The following NUP93 variants were observed in gnomAD, a reference collection of about 807,000 sequenced individuals.
NUP93 encodes nuclear pore complex protein Nup93.
In NUP93, 55 loss-of-function variants were observed where a neutral mutation model predicts 107.8. The ratio of observed to expected loss-of-function variants is 0.51; its 90% CI spans 0.41 to 0.64. NUP93 has a LOEUF of 0.64. Among genes scored for constraint, NUP93 ranks in the 30% least tolerant of loss-of-function variants. The pLI, the probability that NUP93 is intolerant of heterozygous loss-of-function variation, is 0.00. For synonymous variants in NUP93, 390 were observed against 397.5 expected, an observed-to-expected ratio of 0.98 and a Z score of 0.22; for missense variants, 937 against 1,044.7, an observed-to-expected ratio of 0.90 and a Z score of 1.42.
chr16:56,768,808 G>A (rs937953472), intron 3 of NUP93, among the ~76,000 whole-genome samples: 27 of 151,142 alleles, frequency 1.8e-4, no homozygotes, highest in African/African-American at 4.4e-4. Flanking sequence ...TAGAGCTTGC[G>A]GTGAGCCGAG....
At chr16:56,744,304 A>G (rs1337294921) in intron 1 of NUP93, among the ~76,000 whole-genome samples, 1 of 152,200 alleles carries the variant, frequency 6.6e-6, no homozygotes, top group East Asian at 1.9e-4. Flanking sequence ...CTCTTGGGTC[A>G]AAGTTGATTT....
rs1224864987 is a variant in NUP93 at position 56,826,122 on chromosome 16, T to G, written c.794+2276T>G. Among the ~76,000 whole-genome samples, 9 of 152,194 alleles carry G rather than the reference T, an allele frequency of 5.9e-5. No homozygotes were observed. The East Asian group carries it at 1.3e-3, about 23-fold the overall frequency. ...TTCAGCTTAGGCCCTTGTCAGCACA[T>G]GAACTGTCTTAATTCAAATTGGAAG... On this transcript the variant is annotated intron_variant, in intron 8 of 21. Transcript: ENST00000308159.
chr16:56,823,646 A>G, intron 7 of NUP93, 61 bp from the exon 8 acceptor site: 1 of 1,590,302 alleles, frequency 6.3e-7, no homozygotes, highest in Non-Finnish European at 8.6e-7. Flanking sequence ...GAGTGCCACA[A>G]AGAACTAGAT....
chr16:56,761,842 G>T (rs1236238489), intron 3 of NUP93, among the ~76,000 whole-genome samples: 2 of 151,892 alleles, frequency 1.3e-5, no homozygotes, highest in East Asian at 3.9e-4. Context: ...GGTTTTTGTT[G>T]TTACCATTTT....
At chr16:56,837,751 G>T in intron 18 of NUP93, 25 bp downstream of exon 18, 1 of 1,554,904 alleles carries the variant, frequency 6.4e-7, no homozygotes, top group South Asian at 1.1e-5. Flanking sequence ...GGCTCCATGG[G>T]ACCCTGAGGG....
chr16:56,837,145 G>C (rs991495882), intron 17 of NUP93, among the ~76,000 whole-genome samples: 3 of 152,186 alleles, frequency 2.0e-5, no homozygotes, highest in Non-Finnish European at 4.4e-5. Context: ...CGTTTTGAGA[G>C]GACTAGAATA....
intron 7 of NUP93, 76 bp from the exon 8 acceptor site, chr16:56,823,631 G>A (rs1466733710): frequency 1.3e-6 from 2 of 1,545,554 alleles, no homozygotes; most frequent in East Asian, 4.5e-5. Flanking sequence ...CCCCTTTGGA[G>A]GTCAGAGTGC....
At chr16:56,787,919 C>A (rs1371886607) in intron 3 of NUP93, among the ~76,000 whole-genome samples, 1 of 152,130 alleles carries the variant, frequency 6.6e-6, no homozygotes, top group Non-Finnish European at 1.5e-5. Context: ...TCTATTTATA[C>A]CTTGGGTGAG....
intron 13 of NUP93, among the ~76,000 whole-genome samples, chr16:56,833,857 C>T (rs1963853713): frequency 6.6e-6 from 1 of 152,096 alleles, no homozygotes; most frequent in Non-Finnish European, 1.5e-5. Context: ...CATCCCAGAG[C>T]ACATGCCATA....
intron 3 of NUP93, among the ~76,000 whole-genome samples, chr16:56,785,663 A>G (rs1245863189): frequency 6.6e-6 from 1 of 152,232 alleles, no homozygotes; most frequent in East Asian, 1.9e-4. Context: ...TGGCGTCACC[A>G]GGAACACTGT....
chr16:56,806,417 T>C (rs1261600102), intron 5 of NUP93, among the ~76,000 whole-genome samples: 2 of 152,106 alleles, frequency 1.3e-5, no homozygotes, highest in African/African-American at 2.4e-5. Flanking sequence ...CTGGTTGTTG[T>C]TATTGCCGTG....
chr16:56,829,122 T>TTCTCACTG lies in NUP93; in HGVS notation c.927+17_927+18insACTGTCTC. On this transcript the variant is annotated intron_variant, in intron 9 of 21. Coordinates refer to ENST00000308159, the MANE Select transcript of NUP93 (RefSeq NM_014669.5). ...GCCTGGACTACAGGTACTGACAACT[T>TTCTCACTG]TCTCTGTGTGATCAGTTACACCCCC... The TTCTCACTG allele has an allele frequency of 6.2e-7, 1 of 1,608,740 alleles. No homozygotes were observed. Among genetic ancestry groups the TTCTCACTG allele is most frequent in the Non-Finnish European group, 8.5e-7 (1 of 1,178,624 alleles).
At chr16:56,820,708 T>C (rs1963525528) in intron 6 of NUP93, among the ~76,000 whole-genome samples, 1 of 152,230 alleles carries the variant, frequency 6.6e-6, no homozygotes, top group Non-Finnish European at 1.5e-5. Context: ...AACAGGGTCA[T>C]GATTTGTCTA....
At chr16:56,784,310 G>C (rs1468544463) in intron 3 of NUP93, among the ~76,000 whole-genome samples, 3 of 152,132 alleles carry the variant, frequency 2.0e-5, no homozygotes, top group Non-Finnish European at 4.4e-5. Flanking sequence ...TAATGAAAAT[G>C]CTTCCGGGTT....
intron 3 of NUP93, among the ~76,000 whole-genome samples, chr16:56,764,898 ATC>A (rs1962190888): frequency 6.6e-6 from 1 of 152,246 alleles, no homozygotes; most frequent in African/African-American, 2.4e-5. Flanking sequence ...TGTCATTTTC[ATC>A]TGTTTCTGAA....
chr16:56,770,181 G>T (rs375178356), intron 3 of NUP93, among the ~76,000 whole-genome samples: 2 of 152,186 alleles, frequency 1.3e-5, no homozygotes, highest in Non-Finnish European at 2.9e-5. Context: ...AAGGGAGAAG[G>T]GGTGTCAGTG....
At chr16:56,783,549 G>T in intron 3 of NUP93, 1 of 985,448 alleles carries the variant, frequency 1.0e-6, no homozygotes, top group African/African-American at 1.7e-5. Flanking sequence ...CTGTATGGGA[G>T]ATGACTCAAT....
rs1467995209 is a variant in NUP93 at position 56,849,374 on chromosome 16, C to T, written c.*4765C>T. On this transcript the variant is annotated 3_prime_UTR_variant, in exon 22 of 22. Coordinates refer to ENST00000308159, the MANE Select transcript of NUP93 (RefSeq NM_014669.5). Reference sequence around the variant, plus strand: ...ACGGGGTGCTGGCAGAAACCCAGCTCTGCGCTAGCACAATCTGTACACCTG... The same window carrying T: ...ACGGGGTGCTGGCAGAAACCCAGCTTTGCGCTAGCACAATCTGTACACCTG... The T allele has an allele frequency of 2.6e-5, 4 of 152,252 alleles. No homozygotes were observed. Among genetic ancestry groups the T allele is most frequent in the African/African-American group, 4.8e-5 (2 of 41,460 alleles). The allele number at this position is 152,252 out of a possible 1,614,324, so 9.4% of individuals were successfully genotyped here. A position where few individuals can be genotyped will look rare whatever the true frequency, so the allele number is the denominator to read the frequency against.
At chr16:56,822,854 C>T (rs1290809426) in intron 7 of NUP93, among the ~76,000 whole-genome samples, 2 of 152,148 alleles carry the variant, frequency 1.3e-5, no homozygotes, top group African/African-American at 4.8e-5. Context: ...TCAGGTTTCA[C>T]CAATCATTCC....
Sources: allele counts gnomAD v4.1 joint callset (sites outside exome capture counted in the v4.1 genomes callset), GRCh38; gene constraint gnomAD v4.1.1; transcripts MANE v1.5; gene names NCBI Gene and HGNC (gene_info 2026-07-23, HGNC 2026-07-21).